PCDHGA10: variants seen among roughly 807,000 people sequenced by gnomAD.
The protein encoded by PCDHGA10 is protocadherin gamma subfamily A, 10, also known as protocadherin gamma-A10.
PCDHGA10 carries 42 observed loss-of-function variants against 59.5 expected under a neutral mutation model. The ratio of observed to expected loss-of-function variants is 0.71; its 90% CI spans 0.55 to 0.91. The LOEUF (loss-of-function observed/expected upper bound fraction) is 0.91, where lower values mean the gene tolerates loss of function less well. Among genes scored for constraint, PCDHGA10 ranks in the 40% least tolerant of loss-of-function variants. The pLI is 0.00. For synonymous variants in PCDHGA10, 511 were observed against 517.2 expected, an observed-to-expected ratio of 0.99 and a Z score of 0.16; for missense variants, 1,111 against 1,198.2, an observed-to-expected ratio of 0.93 and a Z score of 1.07.
At chr5:141,472,980 CAAAAAAA>C (rs60579131) in intron 1 of PCDHGA10, among the ~76,000 whole-genome samples, 1 of 86,108 alleles carries the variant, frequency 1.2e-5, no homozygotes, top group East Asian at 4.1e-4. Context: ...GAGTGAAACT[CAAAAAAA>C]AAAAAAAAAA....
chr5:141,484,426 C>T (rs377504062), intron 1 of PCDHGA10, among the ~76,000 whole-genome samples: 1 of 152,188 alleles, frequency 6.6e-6, no homozygotes, highest in African/African-American at 2.4e-5. Context: ...ACAATGAGAA[C>T]ATGTACTGCA....
At chr5:141,428,022 G>A (rs1439933482) in intron 1 of PCDHGA10, 11 of 1,605,558 alleles carry the variant, frequency 6.9e-6, no homozygotes, top group South Asian at 1.1e-5. Context: ...GCCACGCGCC[G>A]CAGAGTCCGG....
chr5:141,467,095 C>G (rs930625426), intron 1 of PCDHGA10, among the ~76,000 whole-genome samples: 2 of 150,094 alleles, frequency 1.3e-5, no homozygotes, highest in African/African-American at 4.9e-5. Context: ...CTCTGTCACA[C>G]AGGCTGGAGT....
Position 141,491,048 on chromosome 5 carries a change from C to T in PCDHGA10, c.2437-3759C>T, listed in dbSNP as rs755163825. The T allele has an allele frequency of 7.4e-6, 12 of 1,613,948 alleles. No individual in the cohort carries two copies. Among genetic ancestry groups the T allele is most frequent in the South Asian group, 4.4e-5 (4 of 91,090 alleles). ...GTGGATGCTGATGCAGGCCACAATG[C>T]GTGGCTCTCCTACTCACTGTTGCCA... On this transcript the variant is annotated intron_variant, in intron 1 of 3. Coordinates refer to ENST00000398610, the MANE Select transcript of PCDHGA10 (RefSeq NM_018913.3). The surrounding 1 kb of genome is among the most constrained non-coding windows in gnomAD (Gnocchi z 6.9).
intron 2 of PCDHGA10, among the ~76,000 whole-genome samples, chr5:141,498,882 G>A (rs1287566657): frequency 6.8e-6 from 1 of 147,420 alleles, no homozygotes; most frequent in African/African-American, 2.5e-5. Context: ...GCAGTGAGCT[G>A]AGATCACACC....
chr5:141,430,754 A>G (rs778266116), intron 1 of PCDHGA10: 26 of 1,503,884 alleles, frequency 1.7e-5, no homozygotes, highest in East Asian at 4.6e-5. Flanking sequence ...CTGGAGGAAG[A>G]TAAGAATGAT....
intron 1 of PCDHGA10, among the ~76,000 whole-genome samples, chr5:141,455,410 G>A (rs1332059386): frequency 6.6e-6 from 1 of 152,130 alleles, no homozygotes; most frequent in Non-Finnish European, 1.5e-5. Context: ...CAGAGACAGA[G>A]GGAGCGGGGC....
chr5:141,430,725 G>A (rs1436128094), intron 1 of PCDHGA10: 4 of 1,497,276 alleles, frequency 2.7e-6, no homozygotes, highest in Admixed American at 2.4e-5. Flanking sequence ...AGTGGTTAAG[G>A]GCAGAATTGA....
At chr5:141,462,459 C>T (rs190781980) in intron 1 of PCDHGA10, among the ~76,000 whole-genome samples, 11 of 152,128 alleles carry the variant, frequency 7.2e-5, no homozygotes, top group Admixed American at 2.6e-4. Flanking sequence ...TAACTGAAAA[C>T]TGTGTATTCT....
chr5:141,440,535 G>C (rs1305958587), intron 1 of PCDHGA10: 1 of 152,154 alleles, frequency 6.6e-6, no homozygotes, highest in African/African-American at 2.4e-5. Flanking sequence ...CATGCACCAC[G>C]GTTCAGCAGG....
intron 1 of PCDHGA10, among the ~76,000 whole-genome samples, chr5:141,474,312 T>G (rs1358237994): frequency 6.6e-6 from 1 of 152,228 alleles, no homozygotes; most frequent in African/African-American, 2.4e-5. Flanking sequence ...AACTTTAATG[T>G]GTTTTCAAAT....
intron 1 of PCDHGA10, chr5:141,427,469 C>A: frequency 2.0e-6 from 1 of 510,092 alleles, no homozygotes; most frequent in Non-Finnish European, 3.8e-6. Flanking sequence ...TCGAATCTTC[C>A]GCCAATAATG....
chr5:141,427,825 C>A (rs1342117815), intron 1 of PCDHGA10: 1 of 1,536,464 alleles, frequency 6.5e-7, no homozygotes, highest in Non-Finnish European at 8.9e-7. Flanking sequence ...GTGGTGGTCG[C>A]GCAGCGTGCC....
At chr5:141,492,121 C>G (rs1205499685) in intron 1 of PCDHGA10, among the ~76,000 whole-genome samples, 1 of 152,232 alleles carries the variant, frequency 6.6e-6, no homozygotes, top group Non-Finnish European at 1.5e-5. Context: ...CGATTTCTCC[C>G]CAGCTCCCAG....
At chr5:141,444,152 A>ATTTTTTTTTTTT (rs747671382) in intron 1 of PCDHGA10, among the ~76,000 whole-genome samples, 4 of 33,898 alleles carry the variant, frequency 1.2e-4, no homozygotes, top group Admixed American at 3.9e-4. Flanking sequence ...TGTGTACTGG[A>ATTTTTTTTTTTT]TTTTTTTTTT....
At chr5:141,464,096 C>T (rs2099075769) in intron 1 of PCDHGA10, among the ~76,000 whole-genome samples, 1 of 152,016 alleles carries the variant, frequency 6.6e-6, no homozygotes, top group African/African-American at 2.4e-5. Context: ...GAAACTCCGT[C>T]TCTACTAAAA....
intron 1 of PCDHGA10, among the ~76,000 whole-genome samples, chr5:141,454,924 C>T (rs1252057038): frequency 6.7e-6 from 1 of 149,858 alleles, no homozygotes; most frequent in Non-Finnish European, 1.5e-5. Context: ...TCTCCTGCCT[C>T]AGCCTCCCGA....
intron 2 of PCDHGA10, among the ~76,000 whole-genome samples, chr5:141,500,739 C>T (rs1199462920): frequency 6.6e-6 from 1 of 152,114 alleles, no homozygotes; most frequent in Non-Finnish European, 1.5e-5. Context: ...CAAAATTCTT[C>T]CCAAGTCATT....
At chr5:141,450,460 TTATA>T (rs1234300844) in intron 1 of PCDHGA10, among the ~76,000 whole-genome samples, 1 of 152,104 alleles carries the variant, frequency 6.6e-6, no homozygotes, top group Non-Finnish European at 1.5e-5. Flanking sequence ...CCTCGTGATT[TTATA>T]TATAGAGTTT....
Sources: gnomAD v4.1 joint callset for allele counts (sites outside exome capture counted in the v4.1 genomes callset) on GRCh38, gnomAD v4.1.1 for gene constraint, Gnocchi (gnomAD v3.1) non-coding constraint, MANE v1.5 for transcripts, NCBI Gene and HGNC (gene_info 2026-07-23, HGNC 2026-07-21) for gene names.